Variants in FAM193A observed in about 807,000 individuals in gnomAD.
The protein encoded by FAM193A is protein FAM193A.
FAM193A carries 22 observed loss-of-function variants against 126.5 expected under a neutral mutation model. That is an observed-to-expected ratio of 0.17 (90% CI 0.12 to 0.25). The LOEUF is 0.25. FAM193A is among the 10% of genes least tolerant of loss of function. The probability of loss-of-function intolerance (pLI) is 1.00; values close to 1 mark genes in which losing one functional copy is unlikely to be tolerated. For synonymous variants in FAM193A, 761 were observed against 646.8 expected (o/e 1.18, Z -2.68); for missense variants, 1,675 against 1,672.8 (o/e 1.00, Z -0.02).
chr4:2,627,783 C>T (rs1465557115), intron 4 of FAM193A, among the ~76,000 whole-genome samples: 1 of 150,734 alleles, frequency 6.6e-6, no homozygotes, highest in Non-Finnish European at 1.5e-5. Flanking sequence ...CGCTCTGTCG[C>T]CCAGGCTGGA....
intron 2 of FAM193A, among the ~76,000 whole-genome samples, chr4:2,603,169 T>TA (rs1369844413): frequency 1.4e-5 from 2 of 138,538 alleles, no homozygotes; most frequent in Non-Finnish European, 3.0e-5. Flanking sequence ...TATATATATA[T>TA]TTTTTAGTAG....
At chr4:2,577,585 A>AT (rs1560455772) in intron 1 of FAM193A, among the ~76,000 whole-genome samples, 1 of 151,654 alleles carries the variant, frequency 6.6e-6, no homozygotes, top group Non-Finnish European at 1.5e-5. Flanking sequence ...CACCCGGCTA[A>AT]TTTTTTAATT....
At chr4:2,562,636 G>GTT (rs764512793) in intron 1 of FAM193A, among the ~76,000 whole-genome samples, 23 of 142,394 alleles carry the variant, frequency 1.6e-4, no homozygotes, top group African/African-American at 3.6e-4. Flanking sequence ...TCCTTTTTTT[G>GTT]TTTTTTTTTT....
rs115112040 is a variant in FAM193A, at chr4:2,715,121, T to G, written c.4373-902T>G. Among the ~76,000 whole-genome samples the G allele has an allele frequency of 3.0e-3, 459 of 152,330 alleles. 2 individuals carry two copies. The highest frequency in any genetic ancestry group is 0.01 in the African/African-American group (434 of 41,568). On this transcript the variant is annotated intron_variant, in intron 19 of 20. Transcript: ENST00000637812. ...TATCCTGCCTGTTTTCAAAGATGGT[T>G]GTGTAATTGCAGCATGAAATGTAGC... is the stretch of plus-strand genomic sequence containing the variant.
intron 2 of FAM193A, among the ~76,000 whole-genome samples, chr4:2,598,533 ACAGTGGCC>A (rs1176925427): frequency 1.3e-5 from 2 of 152,220 alleles, no homozygotes; most frequent in Admixed American, 6.5e-5. Context: ...CTCTTGTCTT[ACAGTGGCC>A]TTCGGGGTCT....
At chr4:2,614,269 A>G (rs1204164221) in intron 2 of FAM193A, among the ~76,000 whole-genome samples, 2 of 152,180 alleles carry the variant, frequency 1.3e-5, no homozygotes, top group Non-Finnish European at 2.9e-5. Flanking sequence ...TTCTTCATGT[A>G]GTATAGATCA....
chr4:2,684,143 C>G (rs1715461348), intron 13 of FAM193A, among the ~76,000 whole-genome samples: 1 of 152,190 alleles, frequency 6.6e-6, no homozygotes, highest in African/African-American at 2.4e-5. Context: ...TCTCCATGTT[C>G]CTGCAACCAT....
At chr4:2,649,532 C>A (rs1745464144) in intron 7 of FAM193A, among the ~76,000 whole-genome samples, 1 of 151,718 alleles carries the variant, frequency 6.6e-6, no homozygotes, top group Non-Finnish European at 1.5e-5. Context: ...ATTAGCCTGC[C>A]ATGGTAGTGT....
At chr4:2,651,771 G>C (rs1054594333) in intron 7 of FAM193A, among the ~76,000 whole-genome samples, 1 of 152,222 alleles carries the variant, frequency 6.6e-6, no homozygotes, top group Non-Finnish European at 1.5e-5. Context: ...CCTCAGGACA[G>C]CTCTGACCAG....
intron 1 of FAM193A, among the ~76,000 whole-genome samples, chr4:2,575,922 A>G (rs1214320035): frequency 2.0e-5 from 3 of 152,106 alleles, no homozygotes; most frequent in African/African-American, 7.2e-5. Context: ...TTACAAGGAC[A>G]TGTCACATGG....
chr4:2,716,247 T>C lies in FAM193A; in HGVS notation c.4454+143T>C. The C allele has an allele frequency of 7.6e-6, 5 of 661,730 alleles. No individual in the cohort carries two copies. The Admixed American group carries it at 1.2e-4, about 16-fold the overall frequency. The allele number at this position is 661,730 out of a possible 1,614,324, so 41.0% of individuals were successfully genotyped here. On this transcript the variant is annotated intron_variant, in intron 20 of 20. Transcript: ENST00000637812. ...AGACAACATGGCTTCTGAAGAGCCT[T>C]GTAGTAGGACAGGCCAGCCACACAC...
intron 19 of FAM193A, among the ~76,000 whole-genome samples, chr4:2,706,291 CTTTTTTTT>C (rs59143784): frequency 1.8e-5 from 2 of 108,586 alleles, no homozygotes; most frequent in Admixed American, 1.2e-4. Context: ...TTCTTTCTTT[CTTTTTTTT>C]TTTTTTTTTT....
At chr4:2,573,621 G>A (rs750643394) in intron 1 of FAM193A, among the ~76,000 whole-genome samples, 11 of 152,026 alleles carry the variant, frequency 7.2e-5, no homozygotes, top group South Asian at 2.1e-4. Flanking sequence ...CCGTGGCTGC[G>A]GTCCCTCAGT....
intron 2 of FAM193A, among the ~76,000 whole-genome samples, chr4:2,606,527 G>C (rs554089101): frequency 5.9e-5 from 9 of 152,162 alleles, no homozygotes; most frequent in African/African-American, 2.2e-4. Context: ...TGACAAGTTA[G>C]TTTCTCAAGG....
intron 6 of FAM193A, among the ~76,000 whole-genome samples, chr4:2,646,201 G>T (rs1483549958): frequency 9.0e-6 from 1 of 111,668 alleles, no homozygotes; most frequent in Admixed American, 1.4e-4. Context: ...ACAGATTCTC[G>T]CTCTGTTGCC....
intron 1 of FAM193A, among the ~76,000 whole-genome samples, chr4:2,547,814 G>A (rs1373648302): frequency 6.6e-6 from 1 of 151,692 alleles, no homozygotes; most frequent in African/African-American, 2.4e-5. Context: ...CAGTAGAGAT[G>A]GGATTTCACC....
At chr4:2,598,976 T>C (rs1222104975) in intron 2 of FAM193A, among the ~76,000 whole-genome samples, 1 of 152,090 alleles carries the variant, frequency 6.6e-6, no homozygotes, top group Admixed American at 6.5e-5. Flanking sequence ...GACTCTGCCT[T>C]GTATCTGCAG....
chr4:2,633,179 C>G (rs1188957570), intron 5 of FAM193A, among the ~76,000 whole-genome samples: 1 of 152,052 alleles, frequency 6.6e-6, no homozygotes, highest in African/African-American at 2.4e-5. Flanking sequence ...AGGCAGATCA[C>G]CTGAGGTCAG....
chr4:2,614,097 G>A (rs540983836), intron 2 of FAM193A, among the ~76,000 whole-genome samples: 1 of 152,258 alleles, frequency 6.6e-6, no homozygotes, highest in East Asian at 1.9e-4. Context: ...CTATGTAGAT[G>A]ATCATGTCGT....
Sources: allele counts gnomAD v4.1 joint callset (sites outside exome capture counted in the v4.1 genomes callset), GRCh38; gene constraint gnomAD v4.1.1; transcripts MANE v1.5; gene names NCBI Gene and HGNC (gene_info 2026-07-23, HGNC 2026-07-21).